The following GNA14 variants were observed in gnomAD, a reference collection of about 807,000 sequenced individuals.
GNA14 encodes guanine nucleotide-binding protein subunit alpha-14.
GNA14 carries 50 observed loss-of-function variants against 42.0 expected under a neutral mutation model. The ratio of observed to expected loss-of-function variants is 1.19; its 90% CI spans 0.95 to 1.51. GNA14 has a LOEUF of 1.51. GNA14 is among the 40% of genes most tolerant of loss of function. The pLI is 0.00. For synonymous variants in GNA14, 173 were observed against 163.1 expected, an observed-to-expected ratio of 1.06 and a Z score of -0.46; for missense variants, 473 against 446.2, an observed-to-expected ratio of 1.06 and a Z score of -0.54.
chr9:77,586,738 G>A (rs1286804211), intron 1 of GNA14, among the ~76,000 whole-genome samples: 1 of 152,196 alleles, frequency 6.6e-6, no homozygotes, highest in East Asian at 1.9e-4. Context: ...AGTGCGTGAA[G>A]AAGCTGGCCA....
chr9:77,446,146 C>G (rs1432853219), intron 2 of GNA14, among the ~76,000 whole-genome samples: 2 of 152,204 alleles, frequency 1.3e-5, no homozygotes, highest in Non-Finnish European at 2.9e-5. Flanking sequence ...GACCAAAAGA[C>G]CCCTCCACAG....
At chr9:77,560,378 T>A (rs752931598) in intron 1 of GNA14, among the ~76,000 whole-genome samples, 1 of 145,582 alleles carries the variant, frequency 6.9e-6, no homozygotes, top group Non-Finnish European at 1.5e-5. Flanking sequence ...AGCCTCTGCC[T>A]CCCAGGCTTA....
Position 77,577,888 on chromosome 9 carries a change from A to G in GNA14, c.125-48635T>C, listed in dbSNP as rs539745444. Reference sequence around the variant, plus strand: ...ATCTCACCATTTAAGAGTTAGTATTACTGCAGTATGAAGATACTCATCATC... The same window carrying G: ...ATCTCACCATTTAAGAGTTAGTATTGCTGCAGTATGAAGATACTCATCATC... On this transcript the variant is annotated intron_variant, in intron 1 of 6. Coordinates refer to ENST00000341700, the MANE Select transcript of GNA14 (RefSeq NM_004297.4). Among the ~76,000 whole-genome samples, 4 of 152,270 alleles carry G rather than the reference A, an allele frequency of 2.6e-5. No individual in the cohort carries two copies. The East Asian group carries it at 7.7e-4, about 29-fold the overall frequency.
At chr9:77,442,264 C>T (rs12341578) in intron 2 of GNA14, among the ~76,000 whole-genome samples, 19,495 of 152,128 alleles carry the variant, frequency 0.13, 1,358 homozygotes, top group African/African-American at 0.17. Flanking sequence ...CCTAGCTACT[C>T]GGGAGGCTGA....
Position 77,479,234 on chromosome 9 carries a change from T to C in GNA14, c.310-44712A>G, listed in dbSNP as rs189250116. Among the ~76,000 whole-genome samples the C allele has an allele frequency of 3.4e-3, 523 of 152,358 alleles. 1 individual carries two copies. The highest frequency in any genetic ancestry group is 5.6e-3 in the Non-Finnish European group (384 of 68,038). On this transcript the variant is annotated intron_variant, in intron 2 of 6. Coordinates refer to ENST00000341700, the MANE Select transcript of GNA14 (RefSeq NM_004297.4). Reference sequence around the variant, plus strand: ...AGGAAGGGATCCAGTTTCAGCTTTCTACATATGGCGAGCCAGTTTTCCCAG... The same window carrying C: ...AGGAAGGGATCCAGTTTCAGCTTTCCACATATGGCGAGCCAGTTTTCCCAG...
intron 2 of GNA14, among the ~76,000 whole-genome samples, chr9:77,514,399 G>A (rs1009896663): frequency 1.6e-4 from 24 of 152,034 alleles, no homozygotes; most frequent in Non-Finnish European, 2.1e-4. Context: ...TTGACTTCAC[G>A]TTTATTGAGC....
intron 1 of GNA14, among the ~76,000 whole-genome samples, chr9:77,546,545 T>G (rs1837722960): frequency 6.6e-6 from 1 of 152,180 alleles, no homozygotes; most frequent in Non-Finnish European, 1.5e-5. Flanking sequence ...ATCGCCTAGC[T>G]GGGCACTATC....
chr9:77,574,821 G>C (rs1823105327), intron 1 of GNA14, among the ~76,000 whole-genome samples: 1 of 152,202 alleles, frequency 6.6e-6, no homozygotes, highest in African/African-American at 2.4e-5. Context: ...TACAACAAAA[G>C]AAGAGAAACA....
intron 1 of GNA14, among the ~76,000 whole-genome samples, chr9:77,580,074 C>G (rs1279366253): frequency 6.6e-6 from 1 of 152,158 alleles, no homozygotes; most frequent in African/African-American, 2.4e-5. Context: ...AGCACATAAC[C>G]AGGGTGACTG....
intron 1 of GNA14, among the ~76,000 whole-genome samples, chr9:77,599,044 G>C (rs1280270302): frequency 6.6e-6 from 1 of 152,202 alleles, no homozygotes; most frequent in African/African-American, 2.4e-5. Flanking sequence ...ATTAAGCAAT[G>C]TAAGAAATAT....
intron 2 of GNA14, among the ~76,000 whole-genome samples, chr9:77,446,964 C>A (rs1052931321): frequency 1.4e-5 from 2 of 145,922 alleles, no homozygotes; most frequent in African/African-American, 5.0e-5. Context: ...AGTTCATGTA[C>A]AATTTTTTTT....
chr9:77,434,186 C>T (rs1340701494), intron 3 of GNA14, among the ~76,000 whole-genome samples, 182 bp downstream of exon 3: 1 of 152,066 alleles, frequency 6.6e-6, no homozygotes, highest in Non-Finnish European at 1.5e-5. Context: ...ACAGAGTGAC[C>T]GAGGGCTTTA....
intron 2 of GNA14, among the ~76,000 whole-genome samples, chr9:77,493,300 G>A (rs1428175927): frequency 6.6e-6 from 1 of 151,894 alleles, no homozygotes; most frequent in Admixed American, 6.6e-5. Context: ...TTGGATACGG[G>A]CATTTAGTTA....
At chr9:77,617,675 C>T (rs947148775) in intron 1 of GNA14, among the ~76,000 whole-genome samples, 1 of 151,986 alleles carries the variant, frequency 6.6e-6, no homozygotes, top group Non-Finnish European at 1.5e-5. Context: ...AAATTAAAAT[C>T]CAAACTCCTA....
At chr9:77,511,207 T>G (rs1837162473) in intron 2 of GNA14, among the ~76,000 whole-genome samples, 1 of 152,166 alleles carries the variant, frequency 6.6e-6, no homozygotes, top group Non-Finnish European at 1.5e-5. Flanking sequence ...CCCCCTATAG[T>G]TCAGAAGCTA....
intron 2 of GNA14, among the ~76,000 whole-genome samples, chr9:77,521,450 C>T (rs1837353224): frequency 6.6e-6 from 1 of 152,104 alleles, no homozygotes; most frequent in African/African-American, 2.4e-5. Context: ...ATACTCCCAG[C>T]CCCGAAAAAC....
chr9:77,498,986 T>C (rs1450068463), intron 2 of GNA14, among the ~76,000 whole-genome samples: 1 of 152,076 alleles, frequency 6.6e-6, no homozygotes, highest in Non-Finnish European at 1.5e-5. Context: ...ATTACATGAG[T>C]GGAATTTTCT....
intron 1 of GNA14, among the ~76,000 whole-genome samples, chr9:77,546,864 C>T (rs1464551427): frequency 6.6e-6 from 1 of 152,110 alleles, no homozygotes; most frequent in African/African-American, 2.4e-5. Flanking sequence ...GTTAAAATAG[C>T]CAGGATGACC....
intron 4 of GNA14, among the ~76,000 whole-genome samples, chr9:77,429,614 G>C (rs1835511010): frequency 6.6e-6 from 1 of 152,146 alleles, no homozygotes; most frequent in South Asian, 2.1e-4. Context: ...CTAGCCCAGG[G>C]ATCATGAGCT....
Sources: allele counts gnomAD v4.1 joint callset (sites outside exome capture counted in the v4.1 genomes callset), GRCh38; gene constraint gnomAD v4.1.1; transcripts MANE v1.5; gene names NCBI Gene and HGNC (gene_info 2026-07-23, HGNC 2026-07-21).